Variants in FILIP1L observed in about 807,000 individuals in gnomAD.
The protein encoded by FILIP1L is filamin A interacting protein 1 like, also known as filamin A-interacting protein 1-like.
A neutral mutation model predicts 96.6 loss-of-function variants in FILIP1L; 55 were observed. The observed-to-expected ratio is 0.57, with a 90% CI of 0.46 to 0.71. The LOEUF is 0.71. Ranked by LOEUF, FILIP1L falls within the 30% of genes least tolerant of loss-of-function variation. The pLI, the probability that FILIP1L is intolerant of heterozygous loss-of-function variation, is 0.00. For synonymous variants in FILIP1L, 467 were observed against 473.9 expected (o/e 0.99, Z 0.19); for missense variants, 1,304 against 1,321.2 (o/e 0.99, Z 0.20).
intron 4 of FILIP1L, among the ~76,000 whole-genome samples, chr3:99,906,489 CTGT>C (rs1468403556): frequency 1.3e-5 from 2 of 152,114 alleles, no homozygotes; most frequent in African/African-American, 4.8e-5. Flanking sequence ...CCTTTTCATC[CTGT>C]TGTTGTATTT....
At chr3:99,919,872 T>C (rs1707069418) in intron 4 of FILIP1L, among the ~76,000 whole-genome samples, 2 of 152,230 alleles carry the variant, frequency 1.3e-5, no homozygotes, top group South Asian at 2.1e-4. Context: ...CACTTGAAGC[T>C]GGACACCTGG....
intron 1 of FILIP1L, among the ~76,000 whole-genome samples, chr3:99,944,916 G>T (rs1224456733): frequency 6.6e-6 from 1 of 152,224 alleles, no homozygotes; most frequent in Non-Finnish European, 1.5e-5. Context: ...GGTCAAATCT[G>T]CGATGAAGGC....
At chr3:100,089,921 A>G (rs1470345297) in intron 1 of FILIP1L, among the ~76,000 whole-genome samples, 2 of 152,140 alleles carry the variant, frequency 1.3e-5, no homozygotes, top group African/African-American at 4.8e-5. Context: ...ATTGACTCAG[A>G]TGATCTCTAA....
intron 1 of FILIP1L, among the ~76,000 whole-genome samples, chr3:99,983,384 A>AT (rs1559713275): frequency 1.3e-3 from 42 of 32,310 alleles, no homozygotes; most frequent in African/African-American, 3.1e-3. Flanking sequence ...AAAAATAAAT[A>AT]AATAAATATA....
intron 4 of FILIP1L, among the ~76,000 whole-genome samples, chr3:99,916,174 G>T (rs1259980570): frequency 2.6e-5 from 4 of 152,138 alleles, no homozygotes; most frequent in Non-Finnish European, 5.9e-5. Context: ...GCAATCTGTT[G>T]AGAGCCAGAA....
intron 1 of FILIP1L, among the ~76,000 whole-genome samples, chr3:99,934,665 A>C (rs1707601206): frequency 6.6e-6 from 1 of 152,212 alleles, no homozygotes; most frequent in South Asian, 2.1e-4. Context: ...CTTTTAGCTT[A>C]AGGCAGCCCT....
chr3:99,878,383 G>T (rs1705609210), intron 4 of FILIP1L, among the ~76,000 whole-genome samples: 1 of 152,168 alleles, frequency 6.6e-6, no homozygotes, highest in African/African-American at 2.4e-5. Context: ...GGCTAAAGTG[G>T]CTTGACCAAG....
intron 1 of FILIP1L, among the ~76,000 whole-genome samples, chr3:100,049,642 T>C (rs1223161666): frequency 2.0e-5 from 3 of 152,220 alleles, no homozygotes; most frequent in African/African-American, 7.2e-5. Context: ...ACTTCTGCCA[T>C]TCCTGAGACA....
intron 4 of FILIP1L, among the ~76,000 whole-genome samples, chr3:99,854,618 C>T (rs1479895065): frequency 2.0e-5 from 3 of 152,170 alleles, no homozygotes; most frequent in Non-Finnish European, 4.4e-5. Context: ...TTGTGCACTA[C>T]AAGATGTTTA....
At chr3:100,051,688 A>G (rs2065376191) in intron 1 of FILIP1L, among the ~76,000 whole-genome samples, 1 of 151,548 alleles carries the variant, frequency 6.6e-6, no homozygotes, top group South Asian at 2.1e-4. Context: ...ACATGAACTC[A>G]TCCTTTTTAT....
chr3:99,835,551 A>G (rs1446238760), intron 5 of FILIP1L, among the ~76,000 whole-genome samples: 4 of 152,222 alleles, frequency 2.6e-5, no homozygotes, highest in South Asian at 2.1e-4. Context: ...CTTAAATTTT[A>G]TATGCCCAGA....
chr3:99,885,646 T>C (rs1335300756), intron 4 of FILIP1L, among the ~76,000 whole-genome samples: 1 of 152,226 alleles, frequency 6.6e-6, no homozygotes, highest in Non-Finnish European at 1.5e-5. Flanking sequence ...TGACTGACTT[T>C]TAGTTAAAAA....
intron 1 of FILIP1L, among the ~76,000 whole-genome samples, chr3:100,047,830 G>T (rs778667062): frequency 6.8e-6 from 1 of 147,050 alleles, no homozygotes; most frequent in African/African-American, 2.5e-5. Flanking sequence ...GAAGGCATTT[G>T]AAAAAAAAAA....
At chr3:99,963,285 A>T (rs767672938) in intron 1 of FILIP1L, among the ~76,000 whole-genome samples, 8 of 152,216 alleles carry the variant, frequency 5.3e-5, no homozygotes, top group Non-Finnish European at 1.2e-4. Context: ...GACTGATCCC[A>T]TGTGGTGGAT....
chr3:99,914,391 C>T (rs955970473), intron 4 of FILIP1L, among the ~76,000 whole-genome samples: 2 of 152,116 alleles, frequency 1.3e-5, no homozygotes, highest in Non-Finnish European at 2.9e-5. Context: ...AATACTCTTT[C>T]AATAAAATGT....
chr3:99,841,032 A>G (rs2107504963), intron 5 of FILIP1L, among the ~76,000 whole-genome samples: 1 of 152,348 alleles, frequency 6.6e-6, no homozygotes, highest in African/African-American at 2.4e-5. Flanking sequence ...TGAATCTTTC[A>G]TCTCCATAAT....
intron 4 of FILIP1L, among the ~76,000 whole-genome samples, chr3:99,884,817 T>C (rs7617103): frequency 0.015 from 2,254 of 152,330 alleles, 55 homozygotes; most frequent in African/African-American, 0.052. Context: ...GGAATGCTGT[T>C]TACAGGTATA....
intron 1 of FILIP1L, among the ~76,000 whole-genome samples, chr3:100,082,511 C>T (rs2065947913): frequency 6.6e-6 from 1 of 152,156 alleles, no homozygotes; most frequent in Non-Finnish European, 1.5e-5. Context: ...TTCCAGGAAT[C>T]TCTTGGAGAA....
chr3:99,868,435 C>T (rs1944626459), intron 4 of FILIP1L, among the ~76,000 whole-genome samples: 1 of 152,134 alleles, frequency 6.6e-6, no homozygotes, highest in Admixed American at 6.5e-5. Flanking sequence ...TATATGTCAG[C>T]CCAGCAGCAC....
Sources: allele counts gnomAD v4.1 joint callset (sites outside exome capture counted in the v4.1 genomes callset), GRCh38; gene constraint gnomAD v4.1.1; transcripts MANE v1.5; gene names NCBI Gene and HGNC (gene_info 2026-07-23, HGNC 2026-07-21).